CDH18: variants seen among roughly 807,000 people sequenced by gnomAD.
CDH18 encodes cadherin-18.
CDH18 carries 31 observed loss-of-function variants against 67.9 expected under a neutral mutation model. That is an observed-to-expected ratio of 0.46 (90% CI 0.34 to 0.62). The LOEUF (loss-of-function observed/expected upper bound fraction) is 0.62. CDH18 is among the 20% of genes least tolerant of loss of function. The pLI, the probability that CDH18 is intolerant of heterozygous loss-of-function variation, is 0.01. For missense variants in CDH18, 890 were observed against 975.5 expected (o/e 0.91, Z 1.17); for synonymous variants, 362 against 347.2 (o/e 1.04, Z -0.48).
At chr5:19,508,415 CTAAGAA>C in intron 10 of CDH18, among the ~76,000 whole-genome samples, 1 of 152,102 alleles carries the variant, frequency 6.6e-6, no homozygotes, top group East Asian at 1.9e-4. Context: ...TATAAAATCC[CTAAGAA>C]TATCTTTTTT....
At chr5:20,386,985 G>T (rs961993624) in intron 1 of CDH18, among the ~76,000 whole-genome samples, 1 of 152,106 alleles carries the variant, frequency 6.6e-6, no homozygotes, top group East Asian at 1.9e-4. Context: ...TCTTTTCCAT[G>T]AGTTAGATAC....
intron 2 of CDH18, among the ~76,000 whole-genome samples, chr5:20,216,600 G>A (rs1216304247): frequency 6.6e-6 from 1 of 151,932 alleles, no homozygotes; most frequent in Admixed American, 6.6e-5. Flanking sequence ...ATATGTCCAA[G>A]TTTAGTTCCT....
intron 5 of CDH18, among the ~76,000 whole-genome samples, chr5:19,630,704 A>G (rs1166650429): frequency 6.6e-6 from 1 of 152,192 alleles, no homozygotes; most frequent in Non-Finnish European, 1.5e-5. Flanking sequence ...AAAGTAAGTA[A>G]AGCAAAGGCT....
chr5:19,806,591 C>A (rs1778053386), intron 3 of CDH18, among the ~76,000 whole-genome samples: 1 of 152,128 alleles, frequency 6.6e-6, no homozygotes, highest in African/African-American at 2.4e-5. Context: ...TCTTCGGTTT[C>A]TAGATACTTA....
At chr5:19,522,126 A>T (rs1214005252) in intron 9 of CDH18, among the ~76,000 whole-genome samples, 1 of 152,154 alleles carries the variant, frequency 6.6e-6, no homozygotes, top group East Asian at 1.9e-4. Context: ...TTTCATAAAG[A>T]TACAATAAAA....
At chr5:20,012,385 A>AAC (rs1554080406) in intron 2 of CDH18, among the ~76,000 whole-genome samples, 1 of 151,050 alleles carries the variant, frequency 6.6e-6, no homozygotes, top group Non-Finnish European at 1.5e-5. Flanking sequence ...AAAAAAAAAA[A>AAC]AAAAAACACC....
intron 3 of CDH18, among the ~76,000 whole-genome samples, chr5:19,778,553 G>A (rs2149771726): frequency 6.6e-6 from 1 of 152,156 alleles, no homozygotes; most frequent in South Asian, 2.1e-4. Context: ...CTGTATCCTA[G>A]TAACAAATAA....
At chr5:20,448,707 C>T (rs1369545653) in intron 1 of CDH18, among the ~76,000 whole-genome samples, 1 of 151,990 alleles carries the variant, frequency 6.6e-6, no homozygotes, top group East Asian at 1.9e-4. Context: ...CTGAAAATGG[C>T]ATGGAATCTA....
intron 2 of CDH18, among the ~76,000 whole-genome samples, chr5:20,107,351 G>A (rs906977294): frequency 1.1e-4 from 16 of 152,174 alleles, no homozygotes; most frequent in Non-Finnish European, 2.4e-4. Context: ...TGTGATTACA[G>A]GCGTGAGCCA....
intron 11 of CDH18, among the ~76,000 whole-genome samples, chr5:19,490,549 G>A (rs1703613523): frequency 6.6e-6 from 1 of 151,152 alleles, no homozygotes; most frequent in Admixed American, 6.6e-5. Context: ...CAAGTAGCTG[G>A]GACTACAGGC....
intron 6 of CDH18, among the ~76,000 whole-genome samples, chr5:19,594,757 G>A (rs1745895851): frequency 6.6e-6 from 1 of 151,944 alleles, no homozygotes; most frequent in Non-Finnish European, 1.5e-5. Flanking sequence ...ATGTCATTTG[G>A]ATTTTGATAG....
intron 2 of CDH18, among the ~76,000 whole-genome samples, chr5:20,106,381 AT>A (rs1296383331): frequency 2.0e-5 from 3 of 152,112 alleles, no homozygotes. Flanking sequence ...CACTTCACTG[AT>A]TTATTTTTCA....
chr5:20,520,567 C>T (rs1415780348), intron 1 of CDH18, among the ~76,000 whole-genome samples: 1 of 152,002 alleles, frequency 6.6e-6, no homozygotes, highest in Admixed American at 6.6e-5. Context: ...CTCTGAAATA[C>T]AAGGGTAGTG....
At chr5:20,291,480 G>A (rs7732414) in intron 1 of CDH18, among the ~76,000 whole-genome samples, 12,681 of 152,116 alleles carry the variant, frequency 0.083, 643 homozygotes, top group East Asian at 0.14. Context: ...AATGAAATTG[G>A]CAATATAAAG....
At chr5:19,947,074 T>C (rs1331963525) in intron 2 of CDH18, among the ~76,000 whole-genome samples, 1 of 152,104 alleles carries the variant, frequency 6.6e-6, no homozygotes, top group Non-Finnish European at 1.5e-5. Context: ...AATTAGACGA[T>C]ACTTCCTATA....
chr5:19,929,156 GA>G (rs5866408), intron 2 of CDH18, among the ~76,000 whole-genome samples: 20,432 of 152,004 alleles, frequency 0.13, 3,806 homozygotes, highest in African/African-American at 0.41. Context: ...CAATGGAAAA[GA>G]AAACTGGCCC....
At chr5:19,506,192 A>C (rs1414427648) in intron 10 of CDH18, among the ~76,000 whole-genome samples, 1 of 152,214 alleles carries the variant, frequency 6.6e-6, no homozygotes, top group Non-Finnish European at 1.5e-5. Flanking sequence ...CTAGGAATCC[A>C]ACTTACAAGG....
chr5:20,278,900 A>G (rs997083158), intron 1 of CDH18, among the ~76,000 whole-genome samples: 1 of 152,138 alleles, frequency 6.6e-6, no homozygotes, highest in African/African-American at 2.4e-5. Context: ...ACAAAAAATA[A>G]CATGTAAGAA....
intron 2 of CDH18, among the ~76,000 whole-genome samples, chr5:19,947,630 G>T (rs911616752): frequency 7.1e-6 from 1 of 141,326 alleles, no homozygotes; most frequent in Non-Finnish European, 1.5e-5. Flanking sequence ...CAGGTGTGGC[G>T]CCTGCGCCTG....
Sources: gnomAD v4.1 joint callset for allele counts (sites outside exome capture counted in the v4.1 genomes callset) on GRCh38, gnomAD v4.1.1 for gene constraint, MANE v1.5 for transcripts, NCBI Gene and HGNC (gene_info 2026-07-23, HGNC 2026-07-21) for gene names.